DGKB: variants seen among roughly 807,000 people sequenced by gnomAD.
DGKB encodes diacylglycerol kinase beta.
A neutral mutation model predicts 114.3 loss-of-function variants in DGKB; 67 were observed. The ratio of observed to expected loss-of-function variants is 0.59; its 90% CI spans 0.48 to 0.72. The LOEUF is 0.72. Among genes scored for constraint, DGKB ranks in the 30% least tolerant of loss-of-function variants. The pLI is 0.00. For synonymous variants in DGKB, 398 were observed against 323.1 expected (o/e 1.23, Z -2.49); for missense variants, 907 against 975.2 (o/e 0.93, Z 0.93).
chr7:14,895,212 A>T (rs757420618), intron 1 of DGKB, among the ~76,000 whole-genome samples: 4 of 151,652 alleles, frequency 2.6e-5, no homozygotes, highest in Non-Finnish European at 5.9e-5. Flanking sequence ...GCAATGTGGG[A>T]GTTATGTTTT....
Position 14,820,872 on chromosome 7 carries a change from C to T in DGKB, c.70+20322G>A, listed in dbSNP as rs906261251. 4.6e-5 allele frequency among the ~76,000 whole-genome samples: 7 copies of T among 152,010 alleles called. No individual in the cohort carries two copies. The East Asian group carries it at 9.6e-4, about 21-fold the overall frequency. The stretch of plus-strand genomic sequence containing the variant: ...GGCTCGGTAATTAAATCAAGCTGGA[C>T]CCAGAGAACTGCATTGGGTCCACAG... On this transcript the variant is annotated intron_variant, in intron 2 of 25. Transcript: ENST00000402815.
intron 2 of DGKB, among the ~76,000 whole-genome samples, chr7:14,783,674 G>A (rs10266964): frequency 0.1 from 15,841 of 152,074 alleles, 1,605 homozygotes; most frequent in African/African-American, 0.26. Flanking sequence ...CCTTCCTTTT[G>A]TCATCATTAA....
At chr7:14,200,273 A>G (rs1785640213) in intron 23 of DGKB, among the ~76,000 whole-genome samples, 1 of 152,028 alleles carries the variant, frequency 6.6e-6, no homozygotes, top group Non-Finnish European at 1.5e-5. Context: ...GCAATGAGAG[A>G]ATCAAAAAAT....
At chr7:14,876,128 T>C (rs953650029) in intron 1 of DGKB, among the ~76,000 whole-genome samples, 4 of 152,148 alleles carry the variant, frequency 2.6e-5, no homozygotes, top group Non-Finnish European at 5.9e-5. Context: ...CAGCTTTCCA[T>C]AAGACATGCC....
intron 20 of DGKB, among the ~76,000 whole-genome samples, chr7:14,482,930 T>G (rs1200290143): frequency 6.6e-6 from 1 of 152,224 alleles, no homozygotes; most frequent in Non-Finnish European, 1.5e-5. Flanking sequence ...CCAGAAGGTT[T>G]TCTTCTTTAT....
At chr7:14,650,926 A>G (rs1216620036) in intron 13 of DGKB, among the ~76,000 whole-genome samples, 1 of 152,014 alleles carries the variant, frequency 6.6e-6, no homozygotes, top group Non-Finnish European at 1.5e-5. Flanking sequence ...CGACACATAC[A>G]CTCTCCCAAG....
In DGKB at chr7:14,736,163, A is replaced by C. The variant is rs1364772314; in HGVS notation, c.200T>G (p.Met67Arg). ...AAGCTCGGCTTCCAGGAATGTCTTC[A>C]TGAATAGTTTGAAACCTTCAAAATC... Reference protein sequence around the residue: ...TIDFEGFKLFMKTFLEAELPD... With the variant: ...TIDFEGFKLFRKTFLEAELPD... The change falls in exon 5 of 26, where the codon ATG becomes AGG. Residue 67 changes from methionine to arginine, a missense_variant. Physicochemically the swap from Met to Arg is moderately conservative, Grantham distance 91. Transcript: ENST00000402815. The C allele has an allele frequency of 6.2e-7, 1 of 1,603,770 alleles. No individual in the cohort carries two copies.
At chr7:14,475,226 G>A (rs1360696450) in intron 21 of DGKB, among the ~76,000 whole-genome samples, 2 of 152,020 alleles carry the variant, frequency 1.3e-5, no homozygotes, top group East Asian at 1.9e-4. Context: ...ATTATTAGGA[G>A]TACTTAAAAA....
At chr7:14,293,101 T>C (rs997404706) in intron 23 of DGKB, among the ~76,000 whole-genome samples, 3 of 152,192 alleles carry the variant, frequency 2.0e-5, no homozygotes, top group Admixed American at 6.6e-5. Flanking sequence ...TTATATTCTT[T>C]ATATTTTACT....
intron 12 of DGKB, among the ~76,000 whole-genome samples, chr7:14,675,318 C>T (rs1182115400): frequency 3.3e-5 from 5 of 152,060 alleles, no homozygotes; most frequent in Non-Finnish European, 7.4e-5. Context: ...GTGTTTCCAA[C>T]AATTTGCAAC....
intron 2 of DGKB, among the ~76,000 whole-genome samples, chr7:14,807,360 A>G (rs1842902318): frequency 6.6e-6 from 1 of 152,014 alleles, no homozygotes; most frequent in Non-Finnish European, 1.5e-5. Flanking sequence ...TAAATAAAGA[A>G]TGAATAAATA....
At chr7:14,929,550 G>C (rs1009968341) in intron 1 of DGKB, among the ~76,000 whole-genome samples, 1 of 151,914 alleles carries the variant, frequency 6.6e-6, no homozygotes, top group African/African-American at 2.4e-5. Flanking sequence ...CATCTTATTT[G>C]CCTACTTTTT....
chr7:14,267,104 C>A (rs767787722), intron 23 of DGKB, among the ~76,000 whole-genome samples: 8 of 152,162 alleles, frequency 5.3e-5, no homozygotes, highest in Non-Finnish European at 1.2e-4. Context: ...AAAAATGCCA[C>A]AAGTTTTTTG....
chr7:14,588,716 C>A (rs1434398594), intron 17 of DGKB, among the ~76,000 whole-genome samples: 1 of 151,990 alleles, frequency 6.6e-6, no homozygotes, highest in East Asian at 1.9e-4. Flanking sequence ...AGTATTATTT[C>A]CACATATGGG....
At chr7:14,560,562 C>T (rs551702269) in intron 20 of DGKB, among the ~76,000 whole-genome samples, 2 of 152,242 alleles carry the variant, frequency 1.3e-5, no homozygotes, top group East Asian at 3.9e-4. Context: ...AACTGAATAA[C>T]ATTCAGTTGT....
In DGKB at chr7:14,333,562, A is replaced by G. The variant is rs143422781; in HGVS notation, c.2122+4953T>C. On this transcript the variant is annotated intron_variant, in intron 23 of 25. Coordinates refer to ENST00000402815, the MANE Select transcript of DGKB (RefSeq NM_001350709.2). Reference sequence around the variant, plus strand: ...TATCTTATTTTTCATAGATTTCTGCATTTTGTTTTGGTTTTGTGGTATTGG... The same window carrying G: ...TATCTTATTTTTCATAGATTTCTGCGTTTTGTTTTGGTTTTGTGGTATTGG... Among the ~76,000 whole-genome samples the G allele has an allele frequency of 1.8e-3, 267 of 151,816 alleles. 2 individuals are homozygous for G. The highest frequency in any genetic ancestry group is 6.1e-3 in the African/African-American group (254 of 41,394).
intron 21 of DGKB, among the ~76,000 whole-genome samples, chr7:14,381,740 G>T (rs1819512514): frequency 6.6e-6 from 1 of 152,150 alleles, no homozygotes; most frequent in Non-Finnish European, 1.5e-5. Context: ...TTCTCCAGTA[G>T]CTGGAACTAC....
chr7:14,604,241 TACAC>T (rs962349312), intron 17 of DGKB, among the ~76,000 whole-genome samples: 15 of 152,046 alleles, frequency 9.9e-5, no homozygotes, highest in African/African-American at 3.4e-4. Context: ...AAACACATAA[TACAC>T]ACCCATTTCT....
chr7:14,342,486 T>A (rs907440788), intron 22 of DGKB, among the ~76,000 whole-genome samples: 2 of 151,980 alleles, frequency 1.3e-5, no homozygotes, highest in African/African-American at 2.4e-5. Flanking sequence ...TTTATTTTTA[T>A]CTTTTGTAAT....
Sources: allele counts gnomAD v4.1 joint callset (sites outside exome capture counted in the v4.1 genomes callset), GRCh38; gene constraint gnomAD v4.1.1; transcripts MANE v1.5; gene names NCBI Gene and HGNC (gene_info 2026-07-23, HGNC 2026-07-21).